TNFRSF8: variants seen among roughly 807,000 people sequenced by gnomAD.
TNFRSF8 encodes TNF receptor superfamily member 8.
TNFRSF8 carries 26 observed loss-of-function variants against 70.8 expected under a neutral mutation model. The ratio of observed to expected loss-of-function variants is 0.37; its 90% confidence interval spans 0.27 to 0.51. The LOEUF (loss-of-function observed/expected upper bound fraction) is 0.51. TNFRSF8 is among the 20% of genes least tolerant of loss of function. TNFRSF8 has a pLI of 0.94. For synonymous variants in TNFRSF8, 356 were observed against 339.2 expected, an observed-to-expected ratio of 1.05 and a Z score of -0.54; for missense variants, 720 against 807.9, an observed-to-expected ratio of 0.89 and a Z score of 1.32.
chr1:12,110,058 C>G lies in TNFRSF8; in HGVS notation c.530C>G (p.Ala177Gly). Residue 177 changes from alanine to glycine, a missense_variant, in exon 6 of 15, where the codon GCC (alanine) becomes GGC (glycine). Physicochemically the swap from Ala to Gly is moderately conservative, Grantham distance 60. Transcript: ENST00000263932. This position sits in a 1 kb window ranked among gnomAD's most constrained non-coding sequence, Gnocchi z 4.0. Reference protein sequence around the residue: ...KEPSSGTIPQAKPTPVSPATS... With the variant: ...KEPSSGTIPQGKPTPVSPATS... ...TTCCCCAGTGGCACCATCCCCCAGG[C>G]CAAGCCCACCCCGGTGTCCCCAGCA... 1 of 1,613,048 alleles carries G rather than the reference C, an allele frequency of 6.2e-7. No individual in the cohort carries two copies. Among genetic ancestry groups the G allele is most frequent in the Non-Finnish European group, 8.5e-7 (1 of 1,179,570 alleles).
intron 2 of TNFRSF8, among the ~76,000 whole-genome samples, chr1:12,093,263 A>C (rs1641276276): frequency 6.6e-6 from 1 of 152,070 alleles, no homozygotes; most frequent in East Asian, 1.9e-4. Context: ...TTTTTTGGGG[A>C]GACACAATTT....
At chr1:12,129,561 G>A (rs1642008229) in intron 12 of TNFRSF8, among the ~76,000 whole-genome samples, 1 of 152,188 alleles carries the variant, frequency 6.6e-6, no homozygotes, top group Admixed American at 6.5e-5. Context: ...CCGTTCCCCA[G>A]GCGTTTCTTT....
chr1:12,125,817 T>G, intron 10 of TNFRSF8, 134 bp from the exon 11 acceptor site: 1 of 769,736 alleles, frequency 1.3e-6, no homozygotes, highest in Non-Finnish European at 2.3e-6. Context: ...ATAAGAGCCT[T>G]GGCTTGGAAA....
At position 12,138,937 on chromosome 1, in the gene TNFRSF8, G is replaced by A. The variant is rs755654031; in HGVS notation, c.1543+501G>A. ...AAGTGGCACAGCTGGAACTCGTCCC[G>A]CATCTGCTGGGCCTTGAAGCCCGTG... On this transcript the variant is annotated intron_variant, in intron 14 of 14. Transcript: ENST00000263932. This position sits in a 1 kb window ranked among gnomAD's most constrained non-coding sequence, Gnocchi z 5.7. Among the ~76,000 whole-genome samples, 11 of 152,148 alleles carry A rather than the reference G, an allele frequency of 7.2e-5. No homozygotes were observed. Among genetic ancestry groups the A allele is most frequent in the East Asian group, 3.8e-4 (2 of 5,196 alleles).
rs778601919 is a variant in TNFRSF8, at chr1:12,076,102, TC to T, written c.64-8361del. Among the ~76,000 whole-genome samples the T allele has an allele frequency of 4.9e-3, 426 of 86,922 alleles. 11 individuals are homozygous for T. Among genetic ancestry groups the T allele is most frequent in the African/African-American group, 0.048 (394 of 8,232 alleles). 57.0% of individuals were successfully genotyped at this position (86,922 alleles called of 152,430 possible). A position where few individuals can be genotyped will look rare whatever the true frequency, so the allele number is the denominator to read the frequency against. On this transcript the variant is annotated intron_variant, in intron 1 of 14. Coordinates refer to ENST00000263932, the MANE Select transcript of TNFRSF8 (RefSeq NM_001243.5). ...GGTTTTATTCTTTTTTTTTTCTTTT[TC>T]TTTTTTTTTTTTTTGAGATGGGGTT...
At position 12,109,453 on chromosome 1, in the gene TNFRSF8, T is replaced by A; in HGVS notation, c.422-113T>A. 2 of 790,442 alleles carry A rather than the reference T, an allele frequency of 2.5e-6. No homozygotes were observed. The highest frequency in any genetic ancestry group is 2.3e-4 in the Middle Eastern group (1 of 4,302). 49.0% of individuals were successfully genotyped at this position (790,442 alleles called of 1,614,324 possible). A position where few individuals can be genotyped will look rare whatever the true frequency, so the allele number is the denominator to read the frequency against. ...GCGGGTGCCACCTCCAGATGACTGC[T>A]GTGTTTTCCAAGGGCCCCATCTCCG... On this transcript the variant is annotated intron_variant, in intron 4 of 14. Transcript: ENST00000263932. The surrounding 1 kb of genome is among the most constrained non-coding windows in gnomAD (Gnocchi z 4.4).
At chr1:12,124,485 G>A (rs1213184533) in intron 10 of TNFRSF8, among the ~76,000 whole-genome samples, 5 of 152,192 alleles carry the variant, frequency 3.3e-5, no homozygotes, top group South Asian at 2.1e-4. Flanking sequence ...GGCAGAGACC[G>A]TGCAGGGTTA....
chr1:12,115,834 C>A, intron 8 of TNFRSF8, 105 bp downstream of exon 8: 3 of 1,294,872 alleles, frequency 2.3e-6, no homozygotes, highest in Non-Finnish European at 3.2e-6. Context: ...TGACCTACAC[C>A]CTCGGCTGTT....
At chr1:12,087,173 T>C (rs1641170004) in intron 2 of TNFRSF8, among the ~76,000 whole-genome samples, 2 of 146,882 alleles carry the variant, frequency 1.4e-5, no homozygotes, top group African/African-American at 5.0e-5. Flanking sequence ...CTCTTTTTTT[T>C]TTTTTTTTTT....
At chr1:12,065,078 C>CTTTTTTTTTT (rs773549918) in intron 1 of TNFRSF8, among the ~76,000 whole-genome samples, 7 of 88,262 alleles carry the variant, frequency 7.9e-5, no homozygotes, top group African/African-American at 1.0e-4. Context: ...CATACCAAAC[C>CTTTTTTTTTT]TTTTTTTTTT....
Position 12,124,173 on chromosome 1 carries a change from T to A in TNFRSF8, c.1153+346T>A, listed in dbSNP as rs1356836242. Among the ~76,000 whole-genome samples, 6 of 151,776 alleles carry A rather than the reference T, an allele frequency of 4.0e-5. No individual in the cohort carries two copies. The East Asian group carries it at 1.2e-3, about 29-fold the overall frequency. On this transcript the variant is annotated intron_variant, in intron 10 of 14. Transcript: ENST00000263932. ...GCGCTTGCCACCACGCCTGGCTAAA[T>A]TTTTTTTTAATTTTTAGTAGAGACG...
In TNFRSF8 at chr1:12,144,151, G is replaced by A. The variant is rs999913597; in HGVS notation, c.*1620G>A. ...AAATAATGCACTTCCTTACCTAGTGGCCCTTCACACAACTTTTGAATCTCT... is the reference window on the plus strand; with the variant it reads ...AAATAATGCACTTCCTTACCTAGTGACCCTTCACACAACTTTTGAATCTCT... On this transcript the variant is annotated 3_prime_UTR_variant, in exon 15 of 15. Coordinates refer to ENST00000263932, the MANE Select transcript of TNFRSF8 (RefSeq NM_001243.5). 6.6e-6 allele frequency: 1 copy of A among 152,226 alleles called. No individual in the cohort carries two copies. The highest frequency in any genetic ancestry group is 2.4e-5 in the African/African-American group (1 of 41,452). 9.4% of individuals were successfully genotyped at this position (152,226 alleles called of 1,614,324 possible). A position where few individuals can be genotyped will look rare whatever the true frequency, so the allele number is the denominator to read the frequency against.
At chr1:12,103,558 C>T (rs1320907206) in intron 3 of TNFRSF8, among the ~76,000 whole-genome samples, 1 of 152,094 alleles carries the variant, frequency 6.6e-6, no homozygotes, top group East Asian at 1.9e-4. Flanking sequence ...CAGCCTCAAC[C>T]TCCTGGGCTC....
intron 3 of TNFRSF8, among the ~76,000 whole-genome samples, chr1:12,100,744 G>A (rs533548851): frequency 3.9e-5 from 6 of 152,190 alleles, no homozygotes; most frequent in African/African-American, 1.4e-4. Context: ...ATCACTTGAG[G>A]TCAAGAGTTC....
At chr1:12,118,258 G>C (rs978354611) in intron 8 of TNFRSF8, among the ~76,000 whole-genome samples, 1 of 152,028 alleles carries the variant, frequency 6.6e-6, no homozygotes, top group African/African-American at 2.4e-5. Context: ...TTACAGGCGT[G>C]CACCACCACA....
In TNFRSF8 at chr1:12,075,892, C is replaced by T. The variant is rs770497450; in HGVS notation, c.64-8572C>T. 4.6e-5 allele frequency among the ~76,000 whole-genome samples: 7 copies of T among 152,280 alleles called. No homozygotes were observed. The South Asian group carries it at 6.2e-4, about 14-fold the overall frequency. Reference sequence around the variant, plus strand: ...CCAGAAACATTCCAACACCCCCATCCGACTGGAGACATGCCAGCCCTGAGA... The same window carrying T: ...CCAGAAACATTCCAACACCCCCATCTGACTGGAGACATGCCAGCCCTGAGA... On this transcript the variant is annotated intron_variant, in intron 1 of 14. Coordinates refer to ENST00000263932, the MANE Select transcript of TNFRSF8 (RefSeq NM_001243.5).
intron 3 of TNFRSF8, 21 bp from the exon 4 acceptor site, chr1:12,104,357 GA>G (rs1641479259): frequency 2.5e-6 from 4 of 1,613,872 alleles, no homozygotes; most frequent in Non-Finnish European, 3.4e-6. Flanking sequence ...TCCCCTCTGT[GA>G]CCCCTGTCTG....
chr1:12,083,599 A>C (rs1641102623), intron 1 of TNFRSF8, among the ~76,000 whole-genome samples: 1 of 152,180 alleles, frequency 6.6e-6, no homozygotes, highest in Admixed American at 6.5e-5. Context: ...AGGCACAAGA[A>C]TCATTTAAGC....
intron 10 of TNFRSF8, among the ~76,000 whole-genome samples, chr1:12,124,488 C>T (rs995634534): frequency 1.8e-4 from 27 of 152,256 alleles, no homozygotes; most frequent in African/African-American, 3.4e-4. Flanking sequence ...AGAGACCGTG[C>T]AGGGTTATAA....
Sources: allele counts gnomAD v4.1 joint callset (sites outside exome capture counted in the v4.1 genomes callset), GRCh38; gene constraint gnomAD v4.1.1; non-coding constraint Gnocchi (gnomAD v3.1); transcripts MANE v1.5; gene names NCBI Gene and HGNC (gene_info 2026-07-23, HGNC 2026-07-21).